Variants in GLG1 observed in about 807,000 individuals in gnomAD.
GLG1 encodes golgi glycoprotein 1.
A neutral mutation model predicts 160.5 loss-of-function variants in GLG1; 38 were observed. The observed-to-expected ratio is 0.24, with a 90% CI of 0.18 to 0.31. GLG1 has a LOEUF of 0.31. Among genes scored for constraint, GLG1 ranks in the 10% least tolerant of loss-of-function variants. The pLI, the probability that GLG1 is intolerant of heterozygous loss-of-function variation, is 1.00. For missense variants in GLG1, 1,373 were observed against 1,505.2 expected (o/e 0.91, Z 1.45); for synonymous variants, 644 against 543.4 (o/e 1.19, Z -2.57).
chr16:74,527,338 C>T (rs1260570140), intron 2 of GLG1, among the ~76,000 whole-genome samples: 2 of 147,562 alleles, frequency 1.4e-5, no homozygotes, highest in Non-Finnish European at 3.0e-5. Context: ...CAACCTCTAC[C>T]TCCCAGATTC....
chr16:74,568,743 G>C (rs140459323), intron 1 of GLG1, among the ~76,000 whole-genome samples: 43 of 152,218 alleles, frequency 2.8e-4, no homozygotes, highest in African/African-American at 1.0e-3. Context: ...TATTTGCAAA[G>C]TGCTTAACCA....
chr16:74,520,508 T>G (rs1256673084), intron 2 of GLG1, among the ~76,000 whole-genome samples: 1 of 152,142 alleles, frequency 6.6e-6, no homozygotes, highest in South Asian at 2.1e-4. Flanking sequence ...TGGTGGCGCA[T>G]GCCTGTAATC....
intron 1 of GLG1, among the ~76,000 whole-genome samples, chr16:74,578,991 T>C (rs1316980831): frequency 2.0e-5 from 3 of 152,212 alleles, no homozygotes; most frequent in Non-Finnish European, 4.4e-5. Flanking sequence ...TTGATCCATA[T>C]GAATGGGTTG....
chr16:74,510,932 A>G (rs2016784568), intron 2 of GLG1, among the ~76,000 whole-genome samples: 1 of 152,128 alleles, frequency 6.6e-6, no homozygotes, highest in African/African-American at 2.4e-5. Context: ...AAATGCTAAG[A>G]TGAAACCTGA....
chr16:74,570,202 T>C (rs2018787755), intron 1 of GLG1, among the ~76,000 whole-genome samples: 5 of 152,176 alleles, frequency 3.3e-5, no homozygotes. Flanking sequence ...ACCTATTTCC[T>C]TCTAGGTGCT....
At chr16:74,589,648 C>G (rs1460433607) in intron 1 of GLG1, among the ~76,000 whole-genome samples, 2 of 152,188 alleles carry the variant, frequency 1.3e-5, no homozygotes, top group Non-Finnish European at 2.9e-5. Flanking sequence ...GGCTGAGAAT[C>G]TGGGCTAAAG....
In GLG1 at chr16:74,573,573, T is replaced by C. The variant is rs556978002; in HGVS notation, c.438+33084A>G. ...TCCTCATCTTCCTTCCCCTTTTATT[T>C]ATCTTGCCTTTTTTTTTTTTTTTTT... On this transcript the variant is annotated intron_variant, in intron 1 of 25. Transcript: ENST00000422840. 1.9e-4 allele frequency among the ~76,000 whole-genome samples: 27 copies of C among 145,588 alleles called. No homozygotes were observed. The South Asian group carries it at 5.6e-3, about 30-fold the overall frequency.
chr16:74,592,807 G>C (rs1482824471), intron 1 of GLG1, among the ~76,000 whole-genome samples: 1 of 152,064 alleles, frequency 6.6e-6, no homozygotes, highest in Non-Finnish European at 1.5e-5. Context: ...ATATATAATA[G>C]GTGTGTCCTC....
chr16:74,536,179 T>A (rs553382062), intron 1 of GLG1, among the ~76,000 whole-genome samples: 1 of 152,216 alleles, frequency 6.6e-6, no homozygotes, highest in Admixed American at 6.5e-5. Context: ...TGCACCATTC[T>A]CATTATGTCC....
At chr16:74,603,403 C>T (rs933929897) in intron 1 of GLG1, among the ~76,000 whole-genome samples, 31 of 105,816 alleles carry the variant, frequency 2.9e-4, no homozygotes, top group Non-Finnish European at 4.9e-4. Context: ...AATAAGACTC[C>T]GTCTCAAAAA....
chr16:74,532,069 G>A (rs1398988960), intron 2 of GLG1, 52 bp downstream of exon 2: 8 of 775,074 alleles, frequency 1.0e-5, no homozygotes, highest in Non-Finnish European at 1.4e-5. Flanking sequence ...CCCGAAATCT[G>A]TCATCGTATC....
intron 4 of GLG1, 74 bp downstream of exon 4, chr16:74,503,457 A>G: frequency 2.0e-6 from 2 of 1,002,976 alleles, no homozygotes; most frequent in Admixed American, 1.8e-5. Flanking sequence ...AATTTTTCCC[A>G]TGTCAGTTAT....
chr16:74,495,106 CTTTTTTT>C (rs5817913), intron 5 of GLG1, among the ~76,000 whole-genome samples: 1 of 83,236 alleles, frequency 1.2e-5, no homozygotes. Flanking sequence ...GAGTCTGAGT[CTTTTTTT>C]TTTTTTTTTT....
At position 74,490,988 on chromosome 16, in the gene GLG1, A is replaced by T. The variant is rs746661429; in HGVS notation, c.1449+13T>A. ...ATGTGACATTCAAAATGGCAATAGCAATGTCTCCTTACCGCCTGCTGGCAG... is the reference window on the plus strand; with the variant it reads ...ATGTGACATTCAAAATGGCAATAGCTATGTCTCCTTACCGCCTGCTGGCAG... On this transcript the variant is annotated intron_variant, in intron 8 of 25. Coordinates refer to ENST00000422840, the MANE Select transcript of GLG1 (RefSeq NM_001145667.2). 2.5e-6 allele frequency: 4 copies of T among 1,587,136 alleles called. No homozygotes were observed. The highest frequency in any genetic ancestry group is 3.5e-6 in the Non-Finnish European group (4 of 1,155,554).
Position 74,498,448 on chromosome 16 carries a change from G to GTATATA in GLG1, c.775-1810_775-1805dup, listed in dbSNP as rs61033032. ...GGCTCTGTCTCAAAAAAAAAAAAAA[G>GTATATA]TATATATATATATATATATTATATT... On this transcript the variant is annotated intron_variant, in intron 4 of 25. Coordinates refer to ENST00000422840, the MANE Select transcript of GLG1 (RefSeq NM_001145667.2). 2.0e-3 allele frequency among the ~76,000 whole-genome samples: 49 copies of GTATATA among 24,052 alleles called. 11 individuals carry two copies. The highest frequency in any genetic ancestry group is 6.8e-3 in the Admixed American group (10 of 1,460). 15.8% of individuals were successfully genotyped at this position (24,052 alleles called of 152,430 possible).
At chr16:74,495,512 G>A (rs1200519579) in intron 5 of GLG1, among the ~76,000 whole-genome samples, 1 of 152,208 alleles carries the variant, frequency 6.6e-6, no homozygotes, top group Non-Finnish European at 1.5e-5. Flanking sequence ...AGCAGGCAGA[G>A]TGGAAGTGTA....
intron 14 of GLG1, 54 bp from the exon 15 acceptor site, chr16:74,471,340 C>G (rs1387045747): frequency 4.0e-6 from 4 of 998,560 alleles, no homozygotes; most frequent in Non-Finnish European, 6.4e-6. Context: ...ATGAACAAAA[C>G]TTGTAGCCCA....
intron 1 of GLG1, among the ~76,000 whole-genome samples, chr16:74,549,947 G>A (rs2018152391): frequency 6.6e-6 from 1 of 151,536 alleles, no homozygotes; most frequent in Admixed American, 6.6e-5. Flanking sequence ...AACCCCAAAT[G>A]TGCCAAAAAG....
At position 74,496,630 on chromosome 16, in the gene GLG1, T is replaced by C; in HGVS notation, c.789A>G (p.Gln263=). 1 of 1,609,640 alleles carries C rather than the reference T, an allele frequency of 6.2e-7. No individual in the cohort carries two copies. The highest frequency in any genetic ancestry group is 8.5e-7 in the Non-Finnish European group (1 of 1,176,094). The change falls in exon 5 of 26, where the codon CAA becomes CAG. Residue 263 remains glutamine, a synonymous_variant. Coordinates refer to ENST00000422840, the MANE Select transcript of GLG1 (RefSeq NM_001145667.2). ...TCTCCAAGCATGATACCACCTCACC[T>C]TGTGAATGTGCATCCTAAAATAGCG... The part of the protein sequence containing the change: ...IRLGEKDAHS[Q]GEVVSCLEKG...
Sources: allele counts gnomAD v4.1 joint callset (sites outside exome capture counted in the v4.1 genomes callset), GRCh38; gene constraint gnomAD v4.1.1; transcripts MANE v1.5; gene names NCBI Gene and HGNC (gene_info 2026-07-23, HGNC 2026-07-21).